Variants in PDE10A observed in about 807,000 individuals in gnomAD.
PDE10A encodes the protein cAMP and cAMP-inhibited cGMP 3',5'-cyclic phosphodiesterase 10A.
PDE10A carries 39 observed loss-of-function variants against 97.7 expected under a neutral mutation model. That is an observed-to-expected ratio of 0.40 (90% CI 0.31 to 0.52). The LOEUF is 0.52. Among genes scored for constraint, PDE10A ranks in the 20% least tolerant of loss-of-function variants. The pLI is 0.56. For missense variants in PDE10A, 731 were observed against 1,047.8 expected (o/e 0.70, Z 4.17); for synonymous variants, 371 against 376.8 (o/e 0.98, Z 0.18).
At chr6:165,577,997 T>C (rs1785407500) in intron 1 of PDE10A, among the ~76,000 whole-genome samples, 1 of 152,200 alleles carries the variant, frequency 6.6e-6, no homozygotes, top group Admixed American at 6.5e-5. Flanking sequence ...TCCACAGGCG[T>C]CTGCTCGCCC....
intron 1 of PDE10A, among the ~76,000 whole-genome samples, chr6:165,744,882 T>C (rs1435922313): frequency 6.6e-6 from 1 of 152,098 alleles, no homozygotes; most frequent in Non-Finnish European, 1.5e-5. Context: ...GAGTTACTTA[T>C]GTTTGATAAG....
intron 1 of PDE10A, among the ~76,000 whole-genome samples, chr6:165,544,976 TAAAG>T (rs541359481): frequency 1.3e-5 from 2 of 152,132 alleles, no homozygotes; most frequent in South Asian, 4.1e-4. Flanking sequence ...ATTGGCTCAA[TAAAG>T]TAAGTAAGTG....
In PDE10A at chr6:165,386,641, T is replaced by C. The variant is rs554598672; in HGVS notation, c.2610+1657A>G. Among the ~76,000 whole-genome samples, 3 of 152,284 alleles carry C rather than the reference T, an allele frequency of 2.0e-5. No homozygotes were observed. In the South Asian group the frequency reaches 6.2e-4, roughly 32 times the overall value. On this transcript the variant is annotated intron_variant, in intron 17 of 21. Coordinates refer to ENST00000539869, the MANE Select transcript of PDE10A (RefSeq NM_001385079.1). The stretch of plus-strand genomic sequence containing the variant: ...ATGTTCATCCATTTACAAAAAAGCA[T>C]GTTTTACATATATGTGTAAATATAT...
chr6:165,631,027 T>C (rs974743115), intron 1 of PDE10A, among the ~76,000 whole-genome samples: 3 of 152,196 alleles, frequency 2.0e-5, no homozygotes, highest in Non-Finnish European at 2.9e-5. Flanking sequence ...CAAAAACAAC[T>C]AGAATTATTG....
At chr6:165,366,095 C>G (rs191049401) in intron 18 of PDE10A, among the ~76,000 whole-genome samples, 87 of 152,224 alleles carry the variant, frequency 5.7e-4, no homozygotes, top group African/African-American at 1.9e-3. Flanking sequence ...AACCTTCTAT[C>G]CATGGAACAT....
intron 1 of PDE10A, among the ~76,000 whole-genome samples, chr6:165,726,575 TC>T (rs1037972968): frequency 2.0e-5 from 3 of 149,628 alleles, no homozygotes; most frequent in African/African-American, 7.3e-5. Flanking sequence ...CGATGCCCGC[TC>T]CCCCCGGTGG....
intron 1 of PDE10A, among the ~76,000 whole-genome samples, chr6:165,657,588 G>A (rs1365032829): frequency 6.6e-6 from 1 of 152,206 alleles, no homozygotes; most frequent in South Asian, 2.1e-4. Flanking sequence ...GTTGCACTGA[G>A]TTTTTTCCCT....
intron 1 of PDE10A, among the ~76,000 whole-genome samples, chr6:165,674,882 G>A (rs1006963046): frequency 2.6e-5 from 4 of 152,118 alleles, no homozygotes; most frequent in Admixed American, 1.3e-4. Context: ...TTTTGTTGTT[G>A]TTGTTGTTTT....
At chr6:165,695,516 C>A (rs1791422285) in intron 1 of PDE10A, among the ~76,000 whole-genome samples, 1 of 152,156 alleles carries the variant, frequency 6.6e-6, no homozygotes, top group East Asian at 1.9e-4. Context: ...TCATCTTGTC[C>A]CCTAACCCCT....
intron 18 of PDE10A, among the ~76,000 whole-genome samples, chr6:165,344,977 T>C (rs1782211916): frequency 2.0e-5 from 3 of 152,212 alleles, no homozygotes; most frequent in African/African-American, 7.2e-5. Flanking sequence ...ACTTTGTGTC[T>C]TGAAGATATT....
intron 1 of PDE10A, among the ~76,000 whole-genome samples, chr6:165,659,848 G>A (rs561667351): frequency 6.6e-6 from 1 of 152,322 alleles, no homozygotes; most frequent in African/African-American, 2.4e-5. Flanking sequence ...TCTATCCAGA[G>A]CTGCGATCTT....
At chr6:165,460,763 C>T (rs905587672) in intron 3 of PDE10A, among the ~76,000 whole-genome samples, 2 of 152,168 alleles carry the variant, frequency 1.3e-5, no homozygotes, top group African/African-American at 4.8e-5. Flanking sequence ...AGATTTATTA[C>T]AACAATGGGG....
intron 18 of PDE10A, among the ~76,000 whole-genome samples, chr6:165,365,161 A>G (rs1054129831): frequency 1.3e-5 from 2 of 152,284 alleles, no homozygotes; most frequent in African/African-American, 4.8e-5. Context: ...GGATTATATA[A>G]GAAAGGAAGA....
chr6:165,339,061 G>C lies in PDE10A; in HGVS notation c.2976+217C>G, dbSNP rs567166624. 3.6e-4 allele frequency among the ~76,000 whole-genome samples: 55 copies of C among 152,292 alleles called. 1 individual carries two copies. In the South Asian group the frequency reaches 4.4e-3, roughly 12 times the overall value. Reference sequence around the variant, plus strand: ...TGTCTTAGCAAGTGAAGGCTCATTTGAGTAGATGATTATTCAGGGTAAACA... The same window carrying C: ...TGTCTTAGCAAGTGAAGGCTCATTTCAGTAGATGATTATTCAGGGTAAACA... On this transcript the variant is annotated intron_variant, in intron 20 of 21. Coordinates refer to ENST00000539869, the MANE Select transcript of PDE10A (RefSeq NM_001385079.1).
At position 165,662,663 on chromosome 6, in the gene PDE10A, G is replaced by GCCGGGC. The variant is rs1335477870; in HGVS notation, c.143_148dup (p.Gly48_Pro49dup). On this transcript the variant is annotated inframe_insertion, in exon 1 of 22. Transcript: ENST00000539869. ...CCGGCCACGGCCAGGCCACTCGGGG[G>GCCGGGC]CCGGGCCCGGGCCCGCCGCGCTCCC... is the stretch of plus-strand genomic sequence containing the variant. 7.0e-5 allele frequency: 10 copies of GCCGGGC among 142,174 alleles called. No individual in the cohort carries two copies. In the South Asian group the frequency reaches 2.1e-3, roughly 31 times the overall value. The allele number at this position is 142,174 out of a possible 1,614,324, so 8.8% of individuals were successfully genotyped here. A position where few individuals can be genotyped will look rare whatever the true frequency, so the allele number is the denominator to read the frequency against.
chr6:165,903,525 G>A (rs1562790872), intron 1 of PDE10A, among the ~76,000 whole-genome samples: 4 of 152,192 alleles, frequency 2.6e-5, no homozygotes, highest in South Asian at 4.1e-4. Flanking sequence ...AAGACAATTG[G>A]AGGAAGGCAA....
intron 1 of PDE10A, chr6:165,894,397 C>T (rs1781885354): frequency 1.8e-5 from 8 of 455,940 alleles, no homozygotes; most frequent in Non-Finnish European, 3.1e-5. Context: ...GCTGAAACCA[C>T]AAGATGAAAT....
chr6:165,359,880 G>A (rs772751774), intron 18 of PDE10A, among the ~76,000 whole-genome samples: 19 of 152,022 alleles, frequency 1.2e-4, no homozygotes, highest in African/African-American at 4.6e-4. Flanking sequence ...CACACAGACA[G>A]GGCACACCAG....
intron 1 of PDE10A, among the ~76,000 whole-genome samples, chr6:165,983,763 C>T (rs935765687): frequency 1.3e-5 from 2 of 152,280 alleles, no homozygotes; most frequent in African/African-American, 2.4e-5. Flanking sequence ...TCACATTTGG[C>T]TTAGAGGCCC....
Sources: gnomAD v4.1 joint callset for allele counts (sites outside exome capture counted in the v4.1 genomes callset) on GRCh38, gnomAD v4.1.1 for gene constraint, MANE v1.5 for transcripts, NCBI Gene and HGNC (gene_info 2026-07-23, HGNC 2026-07-21) for gene names.